The following ABCC2 variants were observed in gnomAD, a reference collection of about 807,000 sequenced individuals.
ABCC2 encodes the protein ATP binding cassette subfamily C member 2.
A neutral mutation model predicts 173.4 loss-of-function variants in ABCC2; 157 were observed. The ratio of observed to expected loss-of-function variants is 0.91; its 90% confidence interval spans 0.80 to 1.03. The LOEUF (loss-of-function observed/expected upper bound fraction) is 1.03. Among genes scored for constraint, ABCC2 ranks in the 50% least tolerant of loss-of-function variants. ABCC2 has a pLI of 0.00. For missense variants in ABCC2, 1,822 were observed against 1,852.3 expected, an observed-to-expected ratio of 0.98 and a Z score of 0.30; for synonymous variants, 657 against 693.5, an observed-to-expected ratio of 0.95 and a Z score of 0.83.
chr10:99,839,088 A>T (rs1236263385), intron 25 of ABCC2, among the ~76,000 whole-genome samples: 4 of 36,898 alleles, frequency 1.1e-4, no homozygotes, highest in Admixed American at 2.9e-4. Flanking sequence ...GCAGGGGGGC[A>T]GACCCCCCCC....
intron 3 of ABCC2, among the ~76,000 whole-genome samples, chr10:99,793,189 T>A (rs2037837858): frequency 6.6e-6 from 1 of 152,224 alleles, no homozygotes; most frequent in Non-Finnish European, 1.5e-5. Flanking sequence ...TTGCACCTAA[T>A]TAATTAGAAC....
chr10:99,849,674 G>A (rs150073269), intron 30 of ABCC2, among the ~76,000 whole-genome samples: 3 of 152,284 alleles, frequency 2.0e-5, no homozygotes, highest in African/African-American at 7.2e-5. Context: ...GCAGGAGTTT[G>A]GTACAAGCTA....
chr10:99,848,872 GA>G (rs2039052930), intron 30 of ABCC2, among the ~76,000 whole-genome samples: 1 of 152,156 alleles, frequency 6.6e-6, no homozygotes, highest in East Asian at 1.9e-4. Context: ...CAACTAGCAG[GA>G]CTCAAGTAGG....
chr10:99,830,784 T>C lies in ABCC2; in HGVS notation c.2816T>C (p.Leu939Pro). 1.9e-6 allele frequency: 3 copies of C among 1,614,058 alleles called. No individual in the cohort carries two copies. The highest frequency in any genetic ancestry group is 2.5e-6 in the Non-Finnish European group (3 of 1,180,000). ...NSLKTRNVNS[L>P]KEDEELVKGQ... Reference sequence around the variant, plus strand: ...TTGAAAACTCGGAATGTGAATAGCCTGAAGGAAGACGAAGAACTAGTGAAA... The same window carrying C: ...TTGAAAACTCGGAATGTGAATAGCCCGAAGGAAGACGAAGAACTAGTGAAA... Residue 939 changes from leucine to proline, a missense_variant, in exon 21 of 32, where the codon CTG becomes CCG. Coordinates refer to ENST00000647814, the MANE Select transcript of ABCC2 (RefSeq NM_000392.5).
intron 9 of ABCC2, among the ~76,000 whole-genome samples, chr10:99,801,764 G>A (rs777457499): frequency 1.3e-5 from 2 of 151,544 alleles, no homozygotes; most frequent in African/African-American, 2.4e-5. Flanking sequence ...TCACTGGAAA[G>A]TTCCATCATA....
In ABCC2 at chr10:99,831,964, C is replaced by A; in HGVS notation, c.3104-13C>A. Reference sequence around the variant, plus strand: ...CCTGTGCATGGTGCTGACAAAACTGCTTCCATCTCTAGGTATATTTGTGTT... The same window carrying A: ...CCTGTGCATGGTGCTGACAAAACTGATTCCATCTCTAGGTATATTTGTGTT... On this transcript the variant is annotated splice_polypyrimidine_tract_variant and intron_variant, in intron 22 of 31. Coordinates refer to ENST00000647814, the MANE Select transcript of ABCC2 (RefSeq NM_000392.5). 1 of 1,614,222 alleles carries A rather than the reference C, an allele frequency of 6.2e-7. No individual in the cohort carries two copies. Among genetic ancestry groups the A allele is most frequent in the Non-Finnish European group, 8.5e-7 (1 of 1,180,036 alleles).
Position 99,808,103 on chromosome 10 carries a change from T to G in ABCC2, c.1689T>G (p.Ser563=). 1 of 1,614,202 alleles carries G rather than the reference T, an allele frequency of 6.2e-7. No individual in the cohort carries two copies. Among genetic ancestry groups the G allele is most frequent in the Non-Finnish European group, 8.5e-7 (1 of 1,180,020 alleles). Reference sequence around the variant, plus strand: ...TCCAGGTATCTGTGGTCACATTTTCTGTTTATGTCCTGGTGGATAGCAACA... The same window carrying G: ...TCCAGGTATCTGTGGTCACATTTTCGGTTTATGTCCTGGTGGATAGCAACA... The part of the protein sequence containing the change: ...TPVLVSVVTF[S]VYVLVDSNNI... Residue 563 remains serine, a synonymous_variant, in exon 13 of 32, where the codon TCT becomes TCG. Transcript: ENST00000647814.
At chr10:99,842,171 G>C in intron 26 of ABCC2, 78 bp downstream of exon 26, 1 of 1,596,144 alleles carries the variant, frequency 6.3e-7, no homozygotes, top group Non-Finnish European at 8.6e-7. Context: ...TGTGGAGTCT[G>C]TGCTCTTGAT....
intron 19 of ABCC2, among the ~76,000 whole-genome samples, chr10:99,820,925 C>T (rs377263053): frequency 1.6e-4 from 25 of 152,116 alleles, no homozygotes; most frequent in East Asian, 5.8e-4. Context: ...TAAGGGGACC[C>T]GGGGAACCAG....
At chr10:99,804,381 G>A in intron 10 of ABCC2, 108 bp downstream of exon 10, 1 of 1,450,558 alleles carries the variant, frequency 6.9e-7, no homozygotes, top group Non-Finnish European at 9.5e-7. Flanking sequence ...AAAGCTGGTG[G>A]AAGACTTTCT....
chr10:99,782,982 T>A, intron 1 of ABCC2, 105 bp downstream of exon 1: 1 of 1,118,274 alleles, frequency 8.9e-7, no homozygotes, highest in Non-Finnish European at 1.3e-6. Flanking sequence ...ATGTTAGATG[T>A]GCAATTGGTC....
Position 99,831,999 on chromosome 10 carries a change from T to C in ABCC2, c.3126T>C (p.His1042=), listed in dbSNP as rs915329756. 5 of 1,614,226 alleles carry C rather than the reference T, an allele frequency of 3.1e-6. No homozygotes were observed. The highest frequency in any genetic ancestry group is 4.2e-6 in the Non-Finnish European group (5 of 1,180,030). Reference sequence around the variant, plus strand: ...TAGGTATATTTGTGTTCATAGCACATTTCTGGAGTGCCTTTGGTTTCGTCC... The same window carrying C: ...TAGGTATATTTGTGTTCATAGCACACTTCTGGAGTGCCTTTGGTTTCGTCC... The part of the protein sequence containing the change: ...LAQGIFVFIA[H]FWSAFGFVHA... Residue 1042 remains histidine (H), a synonymous_variant, in exon 23 of 32, where the codon CAT becomes CAC. Coordinates refer to ENST00000647814, the MANE Select transcript of ABCC2 (RefSeq NM_000392.5).
chr10:99,831,554 A>C, intron 21 of ABCC2, 57 bp from the exon 22 acceptor site: 1 of 1,539,046 alleles, frequency 6.5e-7, no homozygotes, highest in Non-Finnish European at 9.0e-7. Context: ...ATTCTAGGTG[A>C]TTCCTTATCA....
intron 31 of ABCC2, among the ~76,000 whole-genome samples, chr10:99,851,020 A>C (rs1265587252): frequency 6.6e-6 from 1 of 152,234 alleles, no homozygotes; most frequent in Non-Finnish European, 1.5e-5. Flanking sequence ...GCAAAATAGG[A>C]AACTGTGTGT....
chr10:99,817,364 CA>C lies in ABCC2; in HGVS notation c.2153del (p.Asn718ThrfsTer42), dbSNP rs777438560. The C allele has an allele frequency of 2.5e-6, 4 of 1,613,968 alleles. No individual in the cohort carries two copies. Among genetic ancestry groups the C allele is most frequent in the Admixed American group, 1.7e-5 (1 of 59,998 alleles). On this transcript the variant is annotated frameshift_variant, in exon 17 of 32. Coordinates refer to ENST00000647814, the MANE Select transcript of ABCC2 (RefSeq NM_000392.5). LOFTEE classifies it high-confidence loss of function. The part of the protein sequence containing the change: ...SWIQNGTIKD[N>X]ILFGTEFNEK... ...GGATTCAGAATGGCACCATAAAGGA[CA>C]ACATCCTTTTTGGAACAGAGTTTAA...
chr10:99,837,085 C>T (rs1383964404), intron 25 of ABCC2, among the ~76,000 whole-genome samples: 2 of 151,270 alleles, frequency 1.3e-5, no homozygotes, highest in Non-Finnish European at 2.9e-5. Flanking sequence ...TATTCATACA[C>T]ATGCTGGAAT....
rs767737672 is a variant in ABCC2, at chr10:99,830,434, GTTGGCTA to G, written c.2747+3_2747+9del. ...GCTTTCGTCGAACACTTAGCCGCAG[GTTGGCTA>G]TCTATTCAGCTGGCAGCCCTCGTCA... On this transcript the variant is annotated splice_donor_variant and splice_donor_5th_base_variant and intron_variant, in intron 20 of 31. Coordinates refer to ENST00000647814, the MANE Select transcript of ABCC2 (RefSeq NM_000392.5). LOFTEE classifies it high-confidence loss of function. 5 of 1,614,192 alleles carry G rather than the reference GTTGGCTA, an allele frequency of 3.1e-6. No homozygotes were observed. The highest frequency in any genetic ancestry group is 4.2e-6 in the Non-Finnish European group (5 of 1,180,020).
Position 99,836,110 on chromosome 10 carries a change from C to G in ABCC2, c.3434C>G (p.Ser1145Cys). 1 of 1,613,898 alleles carries G rather than the reference C, an allele frequency of 6.2e-7. No homozygotes were observed. Among genetic ancestry groups the G allele is most frequent in the South Asian group, 1.1e-5 (1 of 91,064 alleles). ...GTCCAGATGTTTTATGTGTCTACCT[C>G]CCGCCAGCTGAGGCGTCTGGACTCT... ...VSVQMFYVST[S>C]RQLRRLDSVT... is the part of the protein sequence containing the mutation. The change falls in exon 25 of 32, where the codon TCC becomes TGC. Residue 1145 changes from serine (S) to cysteine (C), a missense_variant. Physicochemically the swap from Ser to Cys is moderately radical, Grantham distance 112. Transcript: ENST00000647814.
chr10:99,793,797 T>C (rs774098581), intron 4 of ABCC2, 95 bp from the exon 5 acceptor site: 88 of 1,573,424 alleles, frequency 5.6e-5, no homozygotes, highest in Non-Finnish European at 7.3e-5. Flanking sequence ...AGGGATTTGA[T>C]CATAGGCTTT....
Sources: allele counts gnomAD v4.1 joint callset (sites outside exome capture counted in the v4.1 genomes callset), GRCh38; gene constraint gnomAD v4.1.1; transcripts MANE v1.5; gene names NCBI Gene and HGNC (gene_info 2026-07-23, HGNC 2026-07-21).